The following SYT14 variants were observed in gnomAD, a reference collection of about 807,000 sequenced individuals.
SYT14 encodes synaptotagmin 14, also known as synaptotagmin-14.
SYT14 carries 32 observed loss-of-function variants against 74.2 expected under a neutral mutation model. That is an observed-to-expected ratio of 0.43 (90% CI 0.33 to 0.58). The LOEUF (loss-of-function observed/expected upper bound fraction) is 0.58, where lower values mean the gene tolerates loss of function less well. Among genes scored for constraint, SYT14 ranks in the 20% least tolerant of loss-of-function variants. The pLI is 0.05. For missense variants in SYT14, 791 were observed against 981.8 expected, an observed-to-expected ratio of 0.81 and a Z score of 2.60; for synonymous variants, 298 against 337.7, an observed-to-expected ratio of 0.88 and a Z score of 1.29.
intron 2 of SYT14, among the ~76,000 whole-genome samples, chr1:209,982,426 G>T (rs1041026483): frequency 6.6e-6 from 1 of 152,208 alleles, no homozygotes; most frequent in Admixed American, 6.5e-5. Flanking sequence ...AAGATGCTGG[G>T]ATTACAGGCA....
chr1:210,020,859 G>A (rs939421312), intron 4 of SYT14, among the ~76,000 whole-genome samples, 180 bp from the exon 4 acceptor site: 2 of 151,316 alleles, frequency 1.3e-5, no homozygotes, highest in African/African-American at 4.9e-5. Flanking sequence ...TAATATATAT[G>A]TGTGTGTGTG....
At chr1:209,939,216 G>A (rs2078688898) in intron 1 of SYT14, among the ~76,000 whole-genome samples, 1 of 152,190 alleles carries the variant, frequency 6.6e-6, no homozygotes, top group South Asian at 2.1e-4. Context: ...CTGTCTCTTA[G>A]ATTAACTCAA....
chr1:210,116,495 C>A (rs1010805322), intron 7 of SYT14, among the ~76,000 whole-genome samples: 1 of 152,092 alleles, frequency 6.6e-6, no homozygotes, highest in African/African-American at 2.4e-5. Flanking sequence ...CATAGGCATG[C>A]GCCACCATGT....
At chr1:209,938,529 G>A (rs1053546547) in intron 1 of SYT14, among the ~76,000 whole-genome samples, 2 of 152,010 alleles carry the variant, frequency 1.3e-5, no homozygotes, top group Non-Finnish European at 2.9e-5. Context: ...CCGCACGCGG[G>A]GCAAAGCGGG....
At chr1:210,105,446 C>T (rs774984162) in intron 7 of SYT14, among the ~76,000 whole-genome samples, 3 of 152,148 alleles carry the variant, frequency 2.0e-5, no homozygotes, top group Non-Finnish European at 4.4e-5. Flanking sequence ...CCTCTTTGAG[C>T]TTTGAAGGAA....
chr1:209,969,642 C>T (rs540836611), intron 2 of SYT14, among the ~76,000 whole-genome samples: 3 of 152,064 alleles, frequency 2.0e-5, no homozygotes, highest in South Asian at 2.1e-4. Context: ...CGCGTGCCAC[C>T]ACACTGGGCT....
intron 5 of SYT14, among the ~76,000 whole-genome samples, chr1:210,089,018 A>G (rs539925967): frequency 1.3e-5 from 2 of 152,160 alleles, no homozygotes; most frequent in Non-Finnish European, 1.5e-5. Context: ...TTCTAATGCT[A>G]TCCCTCCCCT....
At chr1:210,039,341 G>A (rs1015982815) in intron 5 of SYT14, among the ~76,000 whole-genome samples, 3 of 151,994 alleles carry the variant, frequency 2.0e-5, no homozygotes, top group Non-Finnish European at 4.4e-5. Flanking sequence ...TAGGCTCACT[G>A]CCAAAATAGC....
At chr1:210,075,213 T>TA (rs2081471242) in intron 5 of SYT14, among the ~76,000 whole-genome samples, 1 of 152,192 alleles carries the variant, frequency 6.6e-6, no homozygotes, top group Non-Finnish European at 1.5e-5. Flanking sequence ...CGTGTGCTCT[T>TA]CTGCTGGTCT....
exon 10 of SYT14, chr1:210,168,575 A>G (rs919531576): frequency 5.9e-5 from 9 of 152,198 alleles, no homozygotes; most frequent in Admixed American, 2.0e-4. Flanking sequence ...AACTTTGTCT[A>G]TATATTCAGA....
intron 5 of SYT14, among the ~76,000 whole-genome samples, chr1:210,072,595 A>G (rs1455836757): frequency 2.0e-5 from 3 of 152,056 alleles, no homozygotes; most frequent in Non-Finnish European, 4.4e-5. Flanking sequence ...AGGAGTACAC[A>G]TTCATAAAAG....
chr1:210,028,785 A>G (rs1415312921), intron 5 of SYT14, among the ~76,000 whole-genome samples: 1 of 152,124 alleles, frequency 6.6e-6, no homozygotes, highest in Non-Finnish European at 1.5e-5. Context: ...TTGAGTATGG[A>G]CCCAGAAATG....
At chr1:210,146,353 A>G (rs746862709) in intron 7 of SYT14, among the ~76,000 whole-genome samples, 20 of 152,156 alleles carry the variant, frequency 1.3e-4, no homozygotes, top group Non-Finnish European at 2.8e-4. Flanking sequence ...AAAAAACAGT[A>G]TATGGCCTAT....
At chr1:210,038,036 A>G (rs2080706933) in intron 5 of SYT14, among the ~76,000 whole-genome samples, 1 of 150,258 alleles carries the variant, frequency 6.7e-6, no homozygotes, top group Admixed American at 6.7e-5. Context: ...TATCAGTGGG[A>G]TGTTGCAGTC....
chr1:210,126,109 A>G (rs990519271), intron 7 of SYT14, among the ~76,000 whole-genome samples: 2 of 152,080 alleles, frequency 1.3e-5, no homozygotes, highest in Non-Finnish European at 2.9e-5. Context: ...AGCCTGATAC[A>G]GGAGAATTGC....
chr1:210,056,030 T>G (rs961007268), intron 5 of SYT14, among the ~76,000 whole-genome samples: 1 of 152,178 alleles, frequency 6.6e-6, no homozygotes, highest in Non-Finnish European at 1.5e-5. Context: ...ATTTCAGATT[T>G]AAAACTCTGT....
intron 7 of SYT14, among the ~76,000 whole-genome samples, chr1:210,155,296 T>C (rs1272138901): frequency 6.6e-6 from 1 of 152,204 alleles, no homozygotes; most frequent in Non-Finnish European, 1.5e-5. Flanking sequence ...GTGTTTTAGA[T>C]GTTGGCTTAT....
chr1:210,170,943 A>C (rs1035594591), exon 10 of SYT14: 3 of 152,196 alleles, frequency 2.0e-5, no homozygotes, highest in Non-Finnish European at 4.4e-5. Flanking sequence ...CATATAAATC[A>C]CAAATTAAAC....
At chr1:209,992,228 T>C (rs2079703312) in intron 2 of SYT14, among the ~76,000 whole-genome samples, 1 of 152,156 alleles carries the variant, frequency 6.6e-6, no homozygotes, top group African/African-American at 2.4e-5. Context: ...TCACTCATCC[T>C]TGAACTCCTG....
Sources: allele counts gnomAD v4.1 joint callset (sites outside exome capture counted in the v4.1 genomes callset), GRCh38; gene constraint gnomAD v4.1.1; transcripts MANE v1.5; gene names NCBI Gene and HGNC (gene_info 2026-07-23, HGNC 2026-07-21).